Variants in CSMD3 observed in about 807,000 individuals in gnomAD.
The protein encoded by CSMD3 is CUB and sushi domain-containing protein 3.
A neutral mutation model predicts 435.2 loss-of-function variants in CSMD3; 177 were observed. The ratio of observed to expected loss-of-function variants is 0.41; its 90% CI spans 0.36 to 0.46. CSMD3 has a LOEUF of 0.46. Among genes scored for constraint, CSMD3 ranks in the 20% least tolerant of loss-of-function variants. The probability of loss-of-function intolerance (pLI) is 0.34; values close to 1 mark genes in which losing one functional copy is unlikely to be tolerated. For missense variants in CSMD3, 4,265 were observed against 4,504.6 expected (o/e 0.95, Z 1.52); for synonymous variants, 1,656 against 1,520.5 (o/e 1.09, Z -2.07).
chr8:112,313,783 G>A (rs1413459289), intron 49 of CSMD3, 123 bp downstream of exon 49: 7 of 746,128 alleles, frequency 9.4e-6, no homozygotes, highest in African/African-American at 1.7e-5. Context: ...AATTGTCCAG[G>A]AACCATCAAT....
chr8:112,331,064 T>A (rs147966395), intron 45 of CSMD3, among the ~76,000 whole-genome samples: 1 of 151,964 alleles, frequency 6.6e-6, no homozygotes, highest in Admixed American at 6.6e-5. Context: ...ACTATGAAAA[T>A]TAGCAATAAT....
At chr8:112,677,514 A>G (rs928856346) in intron 16 of CSMD3, among the ~76,000 whole-genome samples, 2 of 149,284 alleles carry the variant, frequency 1.3e-5, no homozygotes, top group Non-Finnish European at 3.0e-5. Context: ...ATGAAATCAT[A>G]CTAGATAACT....
intron 22 of CSMD3, among the ~76,000 whole-genome samples, chr8:112,598,192 A>G (rs1831943513): frequency 7.6e-6 from 1 of 131,974 alleles, no homozygotes; most frequent in African/African-American, 3.0e-5. Flanking sequence ...AAAACAATGT[A>G]CAAAAATCAC....
chr8:113,136,398 A>G (rs1024558643), intron 4 of CSMD3, among the ~76,000 whole-genome samples: 3 of 151,796 alleles, frequency 2.0e-5, no homozygotes, highest in African/African-American at 7.2e-5. Context: ...CATATTAGGC[A>G]GTAGAACTAT....
chr8:113,192,859 G>C (rs1305670666), intron 3 of CSMD3, among the ~76,000 whole-genome samples: 1 of 151,504 alleles, frequency 6.6e-6, no homozygotes, highest in African/African-American at 2.4e-5. Context: ...TTCTATGCTA[G>C]AGAACTTCTT....
chr8:112,791,687 T>C (rs1015949836), intron 13 of CSMD3, among the ~76,000 whole-genome samples: 3 of 152,148 alleles, frequency 2.0e-5, no homozygotes, highest in African/African-American at 7.2e-5. Flanking sequence ...AAATCTACTA[T>C]GTATATTCTC....
At chr8:112,933,342 G>C (rs1465693332) in intron 9 of CSMD3, among the ~76,000 whole-genome samples, 6 of 152,144 alleles carry the variant, frequency 3.9e-5, no homozygotes, top group African/African-American at 1.4e-4. Context: ...TTTTTTACCA[G>C]TTTGTAATAT....
intron 2 of CSMD3, among the ~76,000 whole-genome samples, chr8:113,307,092 A>G (rs1210534118): frequency 2.0e-5 from 3 of 152,084 alleles, no homozygotes; most frequent in Non-Finnish European, 4.4e-5. Flanking sequence ...AGAAGGTATA[A>G]AAATATTATA....
At chr8:113,246,456 T>A (rs944640403) in intron 3 of CSMD3, among the ~76,000 whole-genome samples, 1 of 152,150 alleles carries the variant, frequency 6.6e-6, no homozygotes, top group Non-Finnish European at 1.5e-5. Flanking sequence ...TTATCTAATA[T>A]TCAGTGTGCA....
intron 12 of CSMD3, among the ~76,000 whole-genome samples, chr8:112,804,893 G>C (rs549727758): frequency 7.2e-5 from 11 of 152,104 alleles, no homozygotes; most frequent in African/African-American, 2.7e-4. Context: ...TGAGTCTCTT[G>C]ACCTCGTGAT....
chr8:113,087,811 G>T (rs1213974210), intron 5 of CSMD3, among the ~76,000 whole-genome samples: 1 of 152,150 alleles, frequency 6.6e-6, no homozygotes, highest in Non-Finnish European at 1.5e-5. Flanking sequence ...GGGACTTCAT[G>T]TCTAAAACAC....
chr8:112,380,499 A>G (rs1292144074), intron 37 of CSMD3, 43 bp from the exon 38 acceptor site: 1 of 955,618 alleles, frequency 1.0e-6, no homozygotes, highest in Non-Finnish European at 1.7e-6. Context: ...CCACATAATA[A>G]GTACTATAAT....
intron 11 of CSMD3, among the ~76,000 whole-genome samples, chr8:112,838,583 C>T (rs2080094090): frequency 6.6e-6 from 1 of 151,382 alleles, no homozygotes; most frequent in Admixed American, 6.6e-5. Flanking sequence ...TTTTTCCATA[C>T]ACATGAAAGC....
chr8:112,314,345 G>A, intron 48 of CSMD3, 84 bp downstream of exon 48: 2 of 993,632 alleles, frequency 2.0e-6, no homozygotes, highest in Non-Finnish European at 3.2e-6. Flanking sequence ...CACATAAGCA[G>A]CTGTTTATAC....
intron 16 of CSMD3, among the ~76,000 whole-genome samples, chr8:112,678,573 A>G (rs2131761179): frequency 6.6e-6 from 1 of 152,260 alleles, no homozygotes; most frequent in Middle Eastern, 3.4e-3. Flanking sequence ...TGATGCTAAG[A>G]TCATTTAAGG....
At chr8:113,432,726 C>A (rs868702748) in intron 1 of CSMD3, among the ~76,000 whole-genome samples, 8 of 152,278 alleles carry the variant, frequency 5.3e-5, no homozygotes, top group African/African-American at 1.9e-4. Context: ...GTGAGGACAG[C>A]GCTGCGGTCC....
intron 1 of CSMD3, among the ~76,000 whole-genome samples, chr8:113,363,823 T>C (rs1415447098): frequency 6.6e-6 from 1 of 152,200 alleles, no homozygotes; most frequent in Non-Finnish European, 1.5e-5. Context: ...CTGGTATCTC[T>C]GACTATACAT....
At chr8:112,722,151 G>T (rs546307119) in intron 13 of CSMD3, among the ~76,000 whole-genome samples, 5 of 148,674 alleles carry the variant, frequency 3.4e-5, no homozygotes, top group African/African-American at 1.2e-4. Flanking sequence ...GGATAATCTA[G>T]AAGGCAGCTG....
intron 1 of CSMD3, among the ~76,000 whole-genome samples, chr8:113,388,388 A>G (rs1177294411): frequency 6.6e-6 from 1 of 151,490 alleles, no homozygotes; most frequent in East Asian, 1.9e-4. Context: ...ACATTGTGGT[A>G]CTATCTCCTG....
Sources: allele counts gnomAD v4.1 joint callset (sites outside exome capture counted in the v4.1 genomes callset), GRCh38; gene constraint gnomAD v4.1.1; transcripts MANE v1.5; gene names NCBI Gene and HGNC (gene_info 2026-07-23, HGNC 2026-07-21).